Variants in NKAIN3 observed in about 807,000 individuals in gnomAD.
The protein encoded by NKAIN3 is sodium/potassium transporting ATPase interacting 3, also known as sodium/potassium-transporting ATPase subunit beta-1-interacting protein 3.
In NKAIN3, 25 loss-of-function variants were observed where a neutral mutation model predicts 30.2. That is an observed-to-expected ratio of 0.83 (90% CI 0.60 to 1.16). The LOEUF is 1.16. Ranked by LOEUF, NKAIN3 falls within the 50% of genes most tolerant of loss-of-function variation. The probability of loss-of-function intolerance (pLI) is 0.00; values close to 1 mark genes in which losing one functional copy is unlikely to be tolerated. For synonymous variants in NKAIN3, 91 were observed against 89.6 expected, an observed-to-expected ratio of 1.02 and a Z score of -0.09; for missense variants, 225 against 254.1, an observed-to-expected ratio of 0.89 and a Z score of 0.78.
rs1467648750 is a variant in NKAIN3 at position 62,318,762 on chromosome 8, G to A, written c.54+69635G>A. On this transcript the variant is annotated intron_variant, in intron 1 of 6. Transcript: ENST00000623646. ...GTATTTTATTGAGGATTTTTGCATCGATATTCATCAGGGATGTTGGTCTAA... is the reference window on the plus strand; with the variant it reads ...GTATTTTATTGAGGATTTTTGCATCAATATTCATCAGGGATGTTGGTCTAA... Among the ~76,000 whole-genome samples, 21 of 152,100 alleles carry A rather than the reference G, an allele frequency of 1.4e-4. No homozygotes were observed. The East Asian group carries it at 2.9e-3, about 21-fold the overall frequency.
At chr8:62,292,934 T>A (rs975696756) in intron 1 of NKAIN3, among the ~76,000 whole-genome samples, 5 of 152,210 alleles carry the variant, frequency 3.3e-5, no homozygotes, top group Non-Finnish European at 5.9e-5. Context: ...TTGTTTCTTT[T>A]TACTCTTTTT....
chr8:62,715,560 CATA>C (rs1814869153), intron 3 of NKAIN3, among the ~76,000 whole-genome samples: 1 of 152,158 alleles, frequency 6.6e-6, no homozygotes, highest in Admixed American at 6.5e-5. Flanking sequence ...GCAAGGTCAA[CATA>C]ATGATATTAT....
At chr8:62,372,213 A>T (rs1259827208) in intron 1 of NKAIN3, among the ~76,000 whole-genome samples, 2 of 147,314 alleles carry the variant, frequency 1.4e-5, no homozygotes, top group Non-Finnish European at 3.0e-5. Flanking sequence ...TTACTTAAAA[A>T]AAGAAAAAAA....
At chr8:62,867,709 T>A (rs1474547200) in intron 4 of NKAIN3, among the ~76,000 whole-genome samples, 1 of 152,210 alleles carries the variant, frequency 6.6e-6, no homozygotes, top group African/African-American at 2.4e-5. Context: ...AGCAGAAACA[T>A]TAGCTGATAA....
chr8:62,293,192 G>A (rs953044787), intron 1 of NKAIN3, among the ~76,000 whole-genome samples: 4 of 151,858 alleles, frequency 2.6e-5, no homozygotes, highest in Non-Finnish European at 5.9e-5. Flanking sequence ...CCTTTTTCTC[G>A]GAGAAGTTTG....
chr8:62,864,324 C>T, intron 4 of NKAIN3: 1 of 1,471,326 alleles, frequency 6.8e-7, no homozygotes, highest in Non-Finnish European at 9.2e-7. Flanking sequence ...AGAAAGAAAA[C>T]ATTGAGAAAG....
chr8:62,988,370 C>T (rs369620731), downstream of NKAIN3, among the ~76,000 whole-genome samples: 2 of 152,364 alleles, frequency 1.3e-5, no homozygotes, highest in South Asian at 4.1e-4. Context: ...CTCCACTGCC[C>T]TAGCAGAGGG....
chr8:62,847,743 GA>G (rs1819734886), intron 4 of NKAIN3, among the ~76,000 whole-genome samples: 1 of 152,060 alleles, frequency 6.6e-6, no homozygotes, highest in Admixed American at 6.6e-5. Flanking sequence ...TCTTGGTCAT[GA>G]AACTTTGCCC....
At chr8:62,588,316 C>T (rs1351672752) in intron 2 of NKAIN3, among the ~76,000 whole-genome samples, 1 of 151,794 alleles carries the variant, frequency 6.6e-6, no homozygotes. Flanking sequence ...TACCAAAAAT[C>T]TCACTATATA....
At chr8:62,652,722 T>C (rs1442907020) in intron 3 of NKAIN3, among the ~76,000 whole-genome samples, 2 of 152,154 alleles carry the variant, frequency 1.3e-5, no homozygotes, top group Non-Finnish European at 2.9e-5. Flanking sequence ...TTAGTGAAAA[T>C]AATTTGTGCC....
At chr8:62,353,256 T>G (rs369722838) in intron 1 of NKAIN3, among the ~76,000 whole-genome samples, 2 of 152,336 alleles carry the variant, frequency 1.3e-5, no homozygotes, top group African/African-American at 4.8e-5. Flanking sequence ...TTAGTTTAAG[T>G]GTAGTTTAAT....
chr8:62,698,908 T>C (rs1266281167), intron 3 of NKAIN3, among the ~76,000 whole-genome samples: 2 of 152,194 alleles, frequency 1.3e-5, no homozygotes, highest in Non-Finnish European at 2.9e-5. Context: ...GAGGTAGCGA[T>C]TGAGCTACTT....
chr8:62,604,952 G>A (rs930207764), intron 3 of NKAIN3, among the ~76,000 whole-genome samples: 1 of 152,020 alleles, frequency 6.6e-6, no homozygotes, highest in Non-Finnish European at 1.5e-5. Flanking sequence ...GGAAAATCCT[G>A]CTCTCGTCAC....
chr8:62,524,597 C>T (rs934522298), intron 1 of NKAIN3, among the ~76,000 whole-genome samples: 1 of 152,110 alleles, frequency 6.6e-6, no homozygotes, highest in Non-Finnish European at 1.5e-5. Flanking sequence ...CTCAGCCTTG[C>T]ACTACTGACA....
chr8:62,876,815 G>A (rs1820810049), intron 4 of NKAIN3, among the ~76,000 whole-genome samples: 1 of 152,030 alleles, frequency 6.6e-6, no homozygotes, highest in African/African-American at 2.4e-5. Flanking sequence ...CTATTGAGGG[G>A]TGGGGGTGAG....
chr8:62,388,020 C>T (rs1817480470), intron 1 of NKAIN3, among the ~76,000 whole-genome samples: 1 of 152,160 alleles, frequency 6.6e-6, no homozygotes, highest in Non-Finnish European at 1.5e-5. Context: ...GTAAATTTCA[C>T]TCATATGCCT....
intron 3 of NKAIN3, among the ~76,000 whole-genome samples, chr8:62,707,764 A>G (rs1389360489): frequency 6.6e-6 from 1 of 151,900 alleles, no homozygotes; most frequent in Non-Finnish European, 1.5e-5. Flanking sequence ...TTTTTGATGC[A>G]TTTGCTTTTG....
chr8:62,813,217 ATACCAG>A (rs1324166399), intron 4 of NKAIN3, among the ~76,000 whole-genome samples: 1 of 151,904 alleles, frequency 6.6e-6, no homozygotes. Flanking sequence ...ATGTGTTTTT[ATACCAG>A]TATCATGTGA....
intron 5 of NKAIN3, among the ~76,000 whole-genome samples, chr8:62,928,388 T>C (rs1822513652): frequency 6.6e-6 from 1 of 152,202 alleles, no homozygotes; most frequent in Non-Finnish European, 1.5e-5. Flanking sequence ...TTAAAGTTAG[T>C]GGTATTTTCT....
Sources: gnomAD v4.1 joint callset for allele counts (sites outside exome capture counted in the v4.1 genomes callset) on GRCh38, gnomAD v4.1.1 for gene constraint, MANE v1.5 for transcripts, NCBI Gene and HGNC (gene_info 2026-07-23, HGNC 2026-07-21) for gene names.